CAPN8: variants seen among roughly 807,000 people sequenced by gnomAD.
CAPN8 encodes calpain 8, also known as calpain-8.
Under a neutral mutation model 80.9 loss-of-function variants are expected in CAPN8, and 87 were observed. That is an observed-to-expected ratio of 1.07 (90% CI 0.90 to 1.28). The LOEUF (loss-of-function observed/expected upper bound fraction) is 1.28. Among genes scored for constraint, CAPN8 ranks in the 50% most tolerant of loss-of-function variants. The pLI is 0.00. For synonymous variants in CAPN8, 299 were observed against 273.8 expected, an observed-to-expected ratio of 1.09 and a Z score of -0.91; for missense variants, 757 against 702.0, an observed-to-expected ratio of 1.08 and a Z score of -0.89.
rs1227380599 is a variant in CAPN8 at position 223,625,816 on chromosome 1, C to G, written c.802G>C (p.Gly268Arg). 5 of 1,550,430 alleles carry G rather than the reference C, an allele frequency of 3.2e-6. No individual in the cohort carries two copies. Among genetic ancestry groups the G allele is most frequent in the Non-Finnish European group, 4.4e-6 (5 of 1,145,850 alleles). Reference protein sequence around the residue: ...LVKSHAYSVTGVEEVNFQGHP... With the variant: ...LVKSHAYSVTRVEEVNFQGHP... ...CCACACAATTTTACCTCTTCGACTC[C>G]AGTGACAGAGTACGCATGACTCTTA... is the stretch of plus-strand genomic sequence containing the variant. The change falls in exon 6 of 21, where the codon GGA becomes CGA. Residue 268 changes from glycine to arginine, a missense_variant. Transcript: ENST00000366872.
chr1:223,655,267 A>G (rs927565323), intron 1 of CAPN8, among the ~76,000 whole-genome samples: 1 of 152,228 alleles, frequency 6.6e-6, no homozygotes, highest in African/African-American at 2.4e-5. Flanking sequence ...AGTACCATGT[A>G]TCCTGAGATG....
rs1292357056 is a variant in CAPN8, at chr1:223,553,882, C to A, written c.1591G>T (p.Asp531Tyr). ...NPYEPHPSEVDQEDDQFRRLF... is the reference protein window; with the variant it reads ...NPYEPHPSEVYQEDDQFRRLF... ...CTCCTGAACTGGTCATCTTCCTGAT[C>A]CACCTCACTGGGATGTGGCTAAAAA... The change falls in exon 14 of 21, where the codon GAT (aspartate) becomes TAT (tyrosine). Residue 531 changes from aspartate to tyrosine, a missense_variant. Asp to Tyr is a radical substitution (Grantham distance 160). Coordinates refer to ENST00000366872, the MANE Select transcript of CAPN8 (RefSeq NM_001143962.2). 2.5e-6 allele frequency: 1 copy of A among 398,620 alleles called. No individual in the cohort carries two copies. Among genetic ancestry groups the A allele is most frequent in the Non-Finnish European group, 4.4e-6 (1 of 226,076 alleles). 24.7% of individuals were successfully genotyped at this position (398,620 alleles called of 1,614,324 possible). A position where few individuals can be genotyped will look rare whatever the true frequency, so the allele number is the denominator to read the frequency against.
intron 15 of CAPN8, among the ~76,000 whole-genome samples, chr1:223,550,612 C>T (rs546418011): frequency 4.6e-5 from 7 of 152,306 alleles, no homozygotes; most frequent in African/African-American, 1.7e-4. Context: ...TCCACAGTAT[C>T]CAAGTTATTA....
intron 1 of CAPN8, among the ~76,000 whole-genome samples, chr1:223,659,054 A>C (rs1023744880): frequency 3.3e-5 from 5 of 152,166 alleles, no homozygotes; most frequent in Admixed American, 2.6e-4. Flanking sequence ...TTTTAGTAAC[A>C]CTGTTTTCTA....
intron 2 of CAPN8, chr1:223,644,268 C>G: frequency 3.3e-6 from 1 of 300,752 alleles, no homozygotes; most frequent in Non-Finnish European, 6.5e-6. Context: ...TCCACATATT[C>G]TCTGCTTATA....
chr1:223,543,102 A>G lies in CAPN8; in HGVS notation c.2088+6T>C. On this transcript the variant is annotated splice_donor_region_variant and intron_variant, in intron 20 of 20. Coordinates refer to ENST00000366872, the MANE Select transcript of CAPN8 (RefSeq NM_001143962.2). ...CCAGCAATTCATCAAACCTCAGGAC[A>G]TTCACCTCGGCCAGAGAGAGCTGAA... The G allele has an allele frequency of 1.3e-6, 2 of 1,551,636 alleles. No individual in the cohort carries two copies. Among genetic ancestry groups the G allele is most frequent in the Non-Finnish European group, 1.7e-6 (2 of 1,146,956 alleles).
At chr1:223,556,532 C>T (rs1399254280) in intron 13 of CAPN8, among the ~76,000 whole-genome samples, 2 of 152,128 alleles carry the variant, frequency 1.3e-5, no homozygotes, top group Non-Finnish European at 2.9e-5. Flanking sequence ...CACAGAAGCC[C>T]AAGAGCTGTC....
chr1:223,630,397 C>T (rs1020708187), intron 2 of CAPN8, among the ~76,000 whole-genome samples: 3 of 152,162 alleles, frequency 2.0e-5, no homozygotes, highest in Admixed American at 1.3e-4. Flanking sequence ...AGTACAGTAG[C>T]GCCATCATGG....
At chr1:223,649,741 G>T (rs1311647371) in intron 2 of CAPN8, among the ~76,000 whole-genome samples, 1 of 152,194 alleles carries the variant, frequency 6.6e-6, no homozygotes, top group Admixed American at 6.5e-5. Context: ...GTTTTCAAAT[G>T]ATTTAATAAC....
intron 11 of CAPN8, among the ~76,000 whole-genome samples, chr1:223,612,011 GA>G (rs919690263): frequency 1.3e-5 from 2 of 152,186 alleles, no homozygotes; most frequent in African/African-American, 4.8e-5. Context: ...GGGGCATGGG[GA>G]AAAAGGTCAC....
intron 6 of CAPN8, 89 bp from the exon 7 acceptor site, chr1:223,622,989 A>G: frequency 9.5e-7 from 1 of 1,051,866 alleles, no homozygotes; most frequent in Non-Finnish European, 1.4e-6. Flanking sequence ...TCTGCATTAA[A>G]TTTTTCAAAT....
intron 7 of CAPN8, among the ~76,000 whole-genome samples, chr1:223,622,227 G>T (rs1047470645): frequency 2.6e-5 from 4 of 152,176 alleles, no homozygotes. Context: ...ATGGATTCCA[G>T]GGCCCAGCTG....
intron 2 of CAPN8, among the ~76,000 whole-genome samples, chr1:223,640,266 C>G (rs1658010888): frequency 6.6e-6 from 1 of 152,200 alleles, no homozygotes; most frequent in Non-Finnish European, 1.5e-5. Flanking sequence ...GGGCCTGCCA[C>G]ATAGAAAGCC....
At chr1:223,628,592 C>A in intron 3 of CAPN8, 70 bp downstream of exon 3, 1 of 1,216,274 alleles carries the variant, frequency 8.2e-7, no homozygotes. Context: ...GAATTTCTGA[C>A]GCAGTGGACC....
At chr1:223,543,047 C>T in intron 20 of CAPN8, 61 bp downstream of exon 20, 1 of 1,538,108 alleles carries the variant, frequency 6.5e-7, no homozygotes, top group Non-Finnish European at 8.8e-7. Flanking sequence ...TTGGCAGCTA[C>T]ATGGTCCAAG....
intron 7 of CAPN8, 39 bp from the exon 8 acceptor site, chr1:223,620,305 G>A (rs781390521): frequency 6.5e-7 from 1 of 1,529,048 alleles, no homozygotes; most frequent in South Asian, 1.2e-5. Context: ...CTCCTGAGAG[G>A]TTCTACAAGC....
chr1:223,620,515 A>C (rs1352032895), intron 7 of CAPN8, among the ~76,000 whole-genome samples: 1 of 152,176 alleles, frequency 6.6e-6, no homozygotes, highest in Non-Finnish European at 1.5e-5. Context: ...TTATGACTCA[A>C]ACATTATGCT....
intron 7 of CAPN8, among the ~76,000 whole-genome samples, chr1:223,622,383 C>T (rs949730870): frequency 2.6e-5 from 4 of 152,276 alleles, no homozygotes; most frequent in Non-Finnish European, 4.4e-5. Context: ...GGGCCCGGGG[C>T]TCCTAGGGTC....
intron 17 of CAPN8, 164 bp downstream of exon 17, chr1:223,545,067 C>T: frequency 7.2e-7 from 1 of 1,393,562 alleles, no homozygotes; most frequent in Non-Finnish European, 9.7e-7. Context: ...CAGTGGTTGG[C>T]ATGAGAGTCT....
Sources: gnomAD v4.1 joint callset for allele counts (sites outside exome capture counted in the v4.1 genomes callset) on GRCh38, gnomAD v4.1.1 for gene constraint, MANE v1.5 for transcripts, NCBI Gene and HGNC (gene_info 2026-07-23, HGNC 2026-07-21) for gene names.